The following MAPK8IP3 variants were observed in gnomAD, a reference collection of about 807,000 sequenced individuals.
MAPK8IP3 encodes mitogen-activated protein kinase 8 interacting protein 3, also known as C-Jun-amino-terminal kinase-interacting protein 3.
In MAPK8IP3, 49 loss-of-function variants were observed where a neutral mutation model predicts 157.8. The observed-to-expected ratio is 0.31, with a 90% CI of 0.25 to 0.39. The LOEUF (loss-of-function observed/expected upper bound fraction) is 0.39. Ranked by LOEUF, MAPK8IP3 falls within the 10% of genes least tolerant of loss-of-function variation. MAPK8IP3 has a pLI of 1.00. For missense variants in MAPK8IP3, 1,478 were observed against 1,889.4 expected (o/e 0.78, Z 4.04); for synonymous variants, 897 against 777.7 (o/e 1.15, Z -2.55).
chr16:1,758,885 C>A, intron 9 of MAPK8IP3, 93 bp from the exon 10 acceptor site: 2 of 1,389,788 alleles, frequency 1.4e-6, no homozygotes, highest in Non-Finnish European at 2.0e-6. Context: ...AGCCTGCTGT[C>A]CACACGGGCT....
At position 1,710,459 on chromosome 16, in the gene MAPK8IP3, G is replaced by T. The variant is rs1326692201; in HGVS notation, c.318+3802G>T. ...CTGCACTCCAGCCTGGGCAACAAGAGTGAGACTCTGTCTCAAAATAAATAA... is the reference window on the plus strand; with the variant it reads ...CTGCACTCCAGCCTGGGCAACAAGATTGAGACTCTGTCTCAAAATAAATAA... On this transcript the variant is annotated intron_variant, in intron 1 of 31. Transcript: ENST00000610761. The surrounding 1 kb of genome is among the most constrained non-coding windows in gnomAD (Gnocchi z 4.1). Among the ~76,000 whole-genome samples the T allele has an allele frequency of 6.6e-6, 1 of 152,150 alleles. No individual in the cohort carries two copies. The highest frequency in any genetic ancestry group is 2.1e-4 in the South Asian group (1 of 4,832).
At chr16:1,747,425 C>T in intron 6 of MAPK8IP3, 150 bp downstream of exon 6, 1 of 1,207,484 alleles carries the variant, frequency 8.3e-7, no homozygotes, top group South Asian at 1.6e-5. Flanking sequence ...GATCAAGGCG[C>T]TGGCAGGGTA....
At chr16:1,753,923 C>CA (rs972381499) in intron 8 of MAPK8IP3, among the ~76,000 whole-genome samples, 9 of 151,894 alleles carry the variant, frequency 5.9e-5, no homozygotes, top group African/African-American at 2.2e-4. Context: ...CCTATAATCC[C>CA]AGCACTCTGG....
intron 17 of MAPK8IP3, 22 bp downstream of exon 17, chr16:1,763,805 A>G: frequency 8.3e-7 from 1 of 1,210,032 alleles, no homozygotes; most frequent in Non-Finnish European, 1.1e-6. Context: ...CGCTGCGGGG[A>G]CCGGGCGGGG....
intron 1 of MAPK8IP3, among the ~76,000 whole-genome samples, chr16:1,722,829 G>A (rs1048149110): frequency 6.6e-6 from 1 of 151,266 alleles, no homozygotes. Flanking sequence ...AGCCTCCCAA[G>A]TAGCTGGGAC....
chr16:1,764,865 T>C (rs972375170), intron 19 of MAPK8IP3, 148 bp from the exon 20 acceptor site: 13 of 747,046 alleles, frequency 1.7e-5, no homozygotes, highest in Non-Finnish European at 2.8e-5. Flanking sequence ...TGAGTCCGCA[T>C]TGTTCTGGTC....
Position 1,706,796 on chromosome 16 carries a change from C to A in MAPK8IP3, c.318+139C>A. 1 of 914,694 alleles carries A rather than the reference C, an allele frequency of 1.1e-6. No individual in the cohort carries two copies. Among genetic ancestry groups the A allele is most frequent in the Non-Finnish European group, 1.6e-6 (1 of 639,908 alleles). 56.7% of individuals were successfully genotyped at this position (914,694 alleles called of 1,614,324 possible). A position where few individuals can be genotyped will look rare whatever the true frequency, so the allele number is the denominator to read the frequency against. Reference sequence around the variant, plus strand: ...GGGACCCCTGGACCCCCAGACCCCGCCCCGAGACCCGCCTGGACCCCATAT... The same window carrying A: ...GGGACCCCTGGACCCCCAGACCCCGACCCGAGACCCGCCTGGACCCCATAT... On this transcript the variant is annotated intron_variant, in intron 1 of 31. Coordinates refer to ENST00000610761, the MANE Select transcript of MAPK8IP3 (RefSeq NM_001318852.2). This position sits in a 1 kb window ranked among gnomAD's most constrained non-coding sequence, Gnocchi z 5.1.
At chr16:1,765,625 C>T (rs144568174) in intron 20 of MAPK8IP3, among the ~76,000 whole-genome samples, 8 of 152,276 alleles carry the variant, frequency 5.3e-5, no homozygotes, top group Middle Eastern at 3.4e-3. Context: ...GAAGGGGTGC[C>T]GAGGGCTCTG....
rs114065248 is a variant in MAPK8IP3, at chr16:1,768,983, G to C, written c.*159G>C. On this transcript the variant is annotated 3_prime_UTR_variant, in exon 32 of 32. Transcript: ENST00000610761. ...GGCCCCTCCAGCGGGCAGGGAGTGC[G>C]GGGATGCGGATCAGCTGGGAGGAGG... 3.7e-6 allele frequency: 3 copies of C among 801,654 alleles called. No homozygotes were observed. The East Asian group carries it at 8.1e-5, about 22-fold the overall frequency. The allele number at this position is 801,654 out of a possible 1,614,324, so 49.7% of individuals were successfully genotyped here. A position where few individuals can be genotyped will look rare whatever the true frequency, so the allele number is the denominator to read the frequency against.
At position 1,747,199 on chromosome 16, in the gene MAPK8IP3, C is replaced by G. The variant is rs777298366; in HGVS notation, c.918C>G (p.Ser306Arg). Residue 306 changes from serine (S) to arginine (R), a missense_variant, in exon 6 of 32, where the codon AGC (serine) becomes AGG (arginine). Ser to Arg is a moderately radical substitution (Grantham distance 110, BLOSUM62 -1). Transcript: ENST00000610761. The stretch of plus-strand genomic sequence containing the variant: ...ACTATGGCGTGGGCTCCAAGAACAG[C>G]AAGCGTGCCCGGGAGAAGCGCGACA... ...LGDYGVGSKN[S>R]KRAREKRDSR... 5.0e-6 allele frequency: 8 copies of G among 1,613,754 alleles called. No homozygotes were observed. The Admixed American group carries it at 1.3e-4, about 27-fold the overall frequency.
chr16:1,729,571 G>T lies in MAPK8IP3; in HGVS notation c.595G>T (p.Gly199Trp). Residue 199 changes from glycine to tryptophan, a missense_variant, in exon 4 of 32, where the codon GGG becomes TGG. Gly to Trp is a radical substitution (Grantham distance 184). Transcript: ENST00000610761. The stretch of plus-strand genomic sequence containing the variant: ...CAGCCAGACCGAGAGCAGCCTGCCG[G>T]GGCGGAGGTACGCGGGGCGCGGCGG... ...GNSQTESSLP[G>W]RSRKERPTSL... 1 of 1,599,090 alleles carries T rather than the reference G, an allele frequency of 6.3e-7. No individual in the cohort carries two copies. The highest frequency in any genetic ancestry group is 8.5e-7 in the Non-Finnish European group (1 of 1,170,970).
intron 4 of MAPK8IP3, among the ~76,000 whole-genome samples, chr16:1,734,260 GGGA>G (rs2039511802): frequency 6.6e-6 from 1 of 152,260 alleles, no homozygotes; most frequent in Non-Finnish European, 1.5e-5. Flanking sequence ...AGGCCCTGAC[GGGA>G]GCATGCTCCA....
At chr16:1,758,180 T>C in intron 9 of MAPK8IP3, 21 bp downstream of exon 9, 1 of 1,613,384 alleles carries the variant, frequency 6.2e-7, no homozygotes, top group Non-Finnish European at 8.5e-7. Context: ...CACTCTCCTG[T>C]CTGTCTCCCC....
chr16:1,728,175 A>G (rs1285059003), intron 2 of MAPK8IP3, among the ~76,000 whole-genome samples: 5 of 152,172 alleles, frequency 3.3e-5, no homozygotes, highest in African/African-American at 9.7e-5. Context: ...TCGGCCTGTC[A>G]TGCTGCTTCT....
chr16:1,711,022 G>T (rs960972791), intron 1 of MAPK8IP3, among the ~76,000 whole-genome samples: 2 of 152,234 alleles, frequency 1.3e-5, no homozygotes, highest in Admixed American at 1.3e-4. Flanking sequence ...CCCCTCTGCC[G>T]CTCCGCTGCG....
intron 1 of MAPK8IP3, among the ~76,000 whole-genome samples, chr16:1,723,813 G>T (rs577308134): frequency 1.6e-4 from 24 of 152,264 alleles, no homozygotes; most frequent in African/African-American, 5.8e-4. Flanking sequence ...TGGCCCCCAG[G>T]CTCCTCAGAC....
chr16:1,758,562 G>A (rs2041754815), intron 9 of MAPK8IP3, among the ~76,000 whole-genome samples: 1 of 152,196 alleles, frequency 6.6e-6, no homozygotes, highest in East Asian at 1.9e-4. Context: ...TGGGTGGACA[G>A]GCCGAGTCCT....
chr16:1,765,120 G>A lies in MAPK8IP3; in HGVS notation c.2388G>A (p.Thr796=), dbSNP rs370420284. 54 of 1,612,270 alleles carry A rather than the reference G, an allele frequency of 3.3e-5. No homozygotes were observed. Among genetic ancestry groups the A allele is most frequent in the Admixed American group, 1.2e-4 (7 of 59,984 alleles). The part of the protein sequence containing the change: ...VVIIDANQPG[T]VVDQFTVCNA... The stretch of plus-strand genomic sequence containing the variant: ...TCATCGACGCCAACCAGCCGGGCAC[G>A]GTGGTGGACCAGTTCACCGTCTGCA... The change falls in exon 20 of 32, where the codon ACG becomes ACA. Residue 796 remains threonine (T), a synonymous_variant. Coordinates refer to ENST00000610761, the MANE Select transcript of MAPK8IP3 (RefSeq NM_001318852.2).
rs146915243 is a variant in MAPK8IP3 at position 1,710,071 on chromosome 16, T to G, written c.318+3414T>G. 6.6e-6 allele frequency among the ~76,000 whole-genome samples: 1 copy of G among 152,184 alleles called. No homozygotes were observed. The highest frequency in any genetic ancestry group is 1.5e-5 in the Non-Finnish European group (1 of 67,996). On this transcript the variant is annotated intron_variant, in intron 1 of 31. Transcript: ENST00000610761. This position sits in a 1 kb window ranked among gnomAD's most constrained non-coding sequence, Gnocchi z 4.1. ...TTATTTTTTCCGAGTTAAATAAAAGTTACCGGCCAGGCGCAGCGACTCTCA... is the reference window on the plus strand; with the variant it reads ...TTATTTTTTCCGAGTTAAATAAAAGGTACCGGCCAGGCGCAGCGACTCTCA...
Sources: gnomAD v4.1 joint callset for allele counts (sites outside exome capture counted in the v4.1 genomes callset) on GRCh38, gnomAD v4.1.1 for gene constraint, Gnocchi (gnomAD v3.1) non-coding constraint, MANE v1.5 for transcripts, NCBI Gene and HGNC (gene_info 2026-07-23, HGNC 2026-07-21) for gene names.